Variants in SGCG observed in about 807,000 individuals in gnomAD.
SGCG encodes the protein sarcoglycan gamma, also known as gamma-sarcoglycan.
In SGCG, 26 loss-of-function variants were observed where a neutral mutation model predicts 29.3. The observed-to-expected ratio is 0.89, with a 90% CI of 0.65 to 1.23. SGCG has a LOEUF of 1.23. Ranked by LOEUF, SGCG falls within the 50% of genes most tolerant of loss-of-function variation. The probability of loss-of-function intolerance (pLI) is 0.00; values close to 1 mark genes in which losing one functional copy is unlikely to be tolerated. For synonymous variants in SGCG, 145 were observed against 129.7 expected (o/e 1.12, Z -0.80); for missense variants, 353 against 356.0 (o/e 0.99, Z 0.07).
intron 7 of SGCG, among the ~76,000 whole-genome samples, chr13:23,321,603 C>T (rs1408678799): frequency 6.6e-6 from 1 of 152,118 alleles, no homozygotes; most frequent in African/African-American, 2.4e-5. Flanking sequence ...GGGCTGGGAG[C>T]GTAGACAGCT....
At chr13:23,235,924 C>T (rs956838858) in intron 3 of SGCG, among the ~76,000 whole-genome samples, 3 of 152,192 alleles carry the variant, frequency 2.0e-5, no homozygotes, top group Admixed American at 1.3e-4. Context: ...ATTCGCCAAG[C>T]TCTGTTACCA....
At chr13:23,184,411 G>T (rs1876886223) in intron 1 of SGCG, among the ~76,000 whole-genome samples, 1 of 151,456 alleles carries the variant, frequency 6.6e-6, no homozygotes, top group Admixed American at 6.6e-5. Flanking sequence ...TAGTTGATTT[G>T]CTTAAAAATT....
chr13:23,291,473 G>T (rs1209426187), intron 5 of SGCG, among the ~76,000 whole-genome samples: 1 of 152,116 alleles, frequency 6.6e-6, no homozygotes, highest in Non-Finnish European at 1.5e-5. Flanking sequence ...ATCATTTTAT[G>T]AAATCATTTA....
chr13:23,284,880 G>C (rs1321532502), intron 5 of SGCG, among the ~76,000 whole-genome samples: 1 of 152,174 alleles, frequency 6.6e-6, no homozygotes, highest in East Asian at 1.9e-4. Context: ...CTGCAGGTCT[G>C]CTAGAGTTTG....
At chr13:23,316,879 A>G (rs1018481266) in intron 6 of SGCG, among the ~76,000 whole-genome samples, 4 of 152,154 alleles carry the variant, frequency 2.6e-5, no homozygotes, top group Non-Finnish European at 2.9e-5. Flanking sequence ...GGGAGTTCCA[A>G]TGTTGGCTGG....
chr13:23,191,912 G>A (rs1445572962), intron 1 of SGCG, among the ~76,000 whole-genome samples: 2 of 152,114 alleles, frequency 1.3e-5, no homozygotes, highest in African/African-American at 2.4e-5. Flanking sequence ...TCGGCCGGGC[G>A]CGGTGGCTCA....
At chr13:23,239,373 CAA>C in intron 3 of SGCG, among the ~76,000 whole-genome samples, 1 of 152,170 alleles carries the variant, frequency 6.6e-6, no homozygotes, top group South Asian at 2.1e-4. Flanking sequence ...CTTTACCTAG[CAA>C]AAGTATCTTT....
At chr13:23,314,406 A>ATATATATATATATATATATATATG (rs1566044512) in intron 6 of SGCG, among the ~76,000 whole-genome samples, 1 of 141,644 alleles carries the variant, frequency 7.1e-6, no homozygotes, top group East Asian at 2.1e-4. Context: ...ATATATATAT[A>ATATATATATATATATATATATATG]TAATCTTATT....
In SGCG at chr13:23,324,699, C is replaced by A; in HGVS notation, c.*158C>A. ...TTATGTGCCAGTGAAAGTGTTTGGA[C>A]AAAAACTACATGATCTCAAAATGCA... On this transcript the variant is annotated 3_prime_UTR_variant, in exon 8 of 8. Coordinates refer to ENST00000218867, the MANE Select transcript of SGCG (RefSeq NM_000231.3). 1.5e-6 allele frequency: 1 copy of A among 677,640 alleles called. No individual in the cohort carries two copies. The allele number at this position is 677,640 out of a possible 1,614,324, so 42.0% of individuals were successfully genotyped here. A position where few individuals can be genotyped will look rare whatever the true frequency, so the allele number is the denominator to read the frequency against.
intron 2 of SGCG, among the ~76,000 whole-genome samples, chr13:23,217,846 A>G (rs1360455423): frequency 6.6e-6 from 1 of 152,078 alleles, no homozygotes; most frequent in Non-Finnish European, 1.5e-5. Flanking sequence ...AACCCTACTC[A>G]ATGGCCCTAT....
intron 2 of SGCG, among the ~76,000 whole-genome samples, chr13:23,209,243 T>A (rs1270922191): frequency 2.0e-5 from 3 of 152,162 alleles, no homozygotes; most frequent in Non-Finnish European, 4.4e-5. Context: ...TTGCCCTTTT[T>A]AGGAGGTCAG....
At chr13:23,310,379 C>T (rs533026395) in intron 6 of SGCG, among the ~76,000 whole-genome samples, 10,641 of 152,150 alleles carry the variant, frequency 0.07, 1,277 homozygotes, top group African/African-American at 0.24. Flanking sequence ...AGCCACCGCG[C>T]CGGGCCTGAA....
rs146555806 is a variant in SGCG at position 23,188,557 on chromosome 13, A to T, written c.-1+7482A>T. 2.4e-3 allele frequency among the ~76,000 whole-genome samples: 352 copies of T among 149,694 alleles called. 3 individuals are homozygous for T. The highest frequency in any genetic ancestry group is 8.0e-3 in the African/African-American group (325 of 40,382). ...TGGTCATGAATTCCTGACCTCAAGCAATCCGCCTGCCTCTGCCTCCCAAAA... is the reference window on the plus strand; with the variant it reads ...TGGTCATGAATTCCTGACCTCAAGCTATCCGCCTGCCTCTGCCTCCCAAAA... On this transcript the variant is annotated intron_variant, in intron 1 of 7. Coordinates refer to ENST00000218867, the MANE Select transcript of SGCG (RefSeq NM_000231.3).
At chr13:23,216,157 T>A (rs1566002917) in intron 2 of SGCG, among the ~76,000 whole-genome samples, 1 of 152,088 alleles carries the variant, frequency 6.6e-6, no homozygotes, top group Non-Finnish European at 1.5e-5. Context: ...AGTGCAAATC[T>A]CACGTCTTCT....
At chr13:23,310,358 T>C (rs1374919361) in intron 6 of SGCG, among the ~76,000 whole-genome samples, 1 of 152,144 alleles carries the variant, frequency 6.6e-6, no homozygotes, top group Non-Finnish European at 1.5e-5. Flanking sequence ...AGTGCTGGGA[T>C]TACAGGCGTG....
rs755072258 is a variant in SGCG, at chr13:23,203,653, C to T, written c.1-42C>T. Reference sequence around the variant, plus strand: ...ACAAGTTGCCTCCCTCATTCCCTCTCTGTCTCTTTCTCTCTCCTCTCGTGA... The same window carrying T: ...ACAAGTTGCCTCCCTCATTCCCTCTTTGTCTCTTTCTCTCTCCTCTCGTGA... On this transcript the variant is annotated intron_variant, in intron 1 of 7. Transcript: ENST00000218867. 10 of 1,500,050 alleles carry T rather than the reference C, an allele frequency of 6.7e-6. No individual in the cohort carries two copies. The East Asian group carries it at 2.3e-4, about 35-fold the overall frequency. 92.9% of individuals were successfully genotyped at this position (1,500,050 alleles called of 1,614,324 possible).
chr13:23,179,847 ATGCATTGTTAT>A (rs1876672543), upstream of SGCG, among the ~76,000 whole-genome samples: 1 of 152,192 alleles, frequency 6.6e-6, no homozygotes, highest in African/African-American at 2.4e-5. Context: ...AATGAAGCAT[ATGCATTGTTAT>A]TGCATTGCTC....
chr13:23,241,130 C>T (rs921711971), intron 3 of SGCG, among the ~76,000 whole-genome samples: 5 of 130,012 alleles, frequency 3.8e-5, no homozygotes, highest in African/African-American at 8.6e-5. Flanking sequence ...GCCTGGGTGA[C>T]GGAGCGAGAC....
At chr13:23,288,297 C>T (rs1347770904) in intron 5 of SGCG, among the ~76,000 whole-genome samples, 2 of 152,150 alleles carry the variant, frequency 1.3e-5, no homozygotes, top group African/African-American at 2.4e-5. Context: ...TTCTTTTCTC[C>T]GCCCTTGTCA....
Sources: gnomAD v4.1 joint callset for allele counts (sites outside exome capture counted in the v4.1 genomes callset) on GRCh38, gnomAD v4.1.1 for gene constraint, MANE v1.5 for transcripts, NCBI Gene and HGNC (gene_info 2026-07-23, HGNC 2026-07-21) for gene names.